Variants in ARSB observed in about 807,000 individuals in gnomAD.
ARSB encodes the protein arylsulfatase B, also known as N-acetylgalactosamine-4-sulfatase.
In ARSB, 41 loss-of-function variants were observed where a neutral mutation model predicts 50.9. The observed-to-expected ratio is 0.81, with a 90% confidence interval of 0.63 to 1.04. The LOEUF is 1.04. ARSB is among the 50% of genes least tolerant of loss of function. The pLI is 0.00. For missense variants in ARSB, 672 were observed against 693.3 expected, an observed-to-expected ratio of 0.97 and a Z score of 0.35; for synonymous variants, 269 against 284.8, an observed-to-expected ratio of 0.94 and a Z score of 0.56.
chr5:78,913,478 T>C (rs887219077), intron 4 of ARSB, among the ~76,000 whole-genome samples: 2 of 152,238 alleles, frequency 1.3e-5, no homozygotes, highest in Admixed American at 1.3e-4. Context: ...AATGCAGCAG[T>C]GTGAGGTAGA....
At chr5:78,828,999 C>T (rs528337636) in intron 6 of ARSB, among the ~76,000 whole-genome samples, 1 of 152,314 alleles carries the variant, frequency 6.6e-6, no homozygotes, top group South Asian at 2.1e-4. Flanking sequence ...TAGAAAAGGA[C>T]CCAACCTTCC....
chr5:78,853,254 T>C (rs1469228804), intron 5 of ARSB, among the ~76,000 whole-genome samples: 2 of 152,208 alleles, frequency 1.3e-5, no homozygotes, highest in East Asian at 3.8e-4. Flanking sequence ...TCCTTTCTGT[T>C]TGTTAGTTTT....
intron 6 of ARSB, among the ~76,000 whole-genome samples, chr5:78,792,894 G>C (rs548754705): frequency 2.5e-4 from 38 of 152,210 alleles, no homozygotes; most frequent in African/African-American, 8.4e-4. Context: ...AAGGGAACGA[G>C]GTATTGTTAG....
intron 4 of ARSB, among the ~76,000 whole-genome samples, chr5:78,935,132 C>T (rs1474182236): frequency 1.3e-5 from 2 of 151,918 alleles, no homozygotes; most frequent in Admixed American, 6.6e-5. Context: ...AAAATCATAT[C>T]CAATAGCTTG....
chr5:78,804,317 C>T (rs1388199150), intron 6 of ARSB, among the ~76,000 whole-genome samples: 1 of 152,130 alleles, frequency 6.6e-6, no homozygotes, highest in African/African-American at 2.4e-5. Context: ...ATTCAATTCC[C>T]TTTTCCTTTC....
At chr5:78,820,107 T>C (rs1744155161) in intron 6 of ARSB, among the ~76,000 whole-genome samples, 1 of 152,192 alleles carries the variant, frequency 6.6e-6, no homozygotes, top group South Asian at 2.1e-4. Flanking sequence ...GAGGACTCAA[T>C]GTTTCTCTCC....
At chr5:78,889,646 A>G (rs919922886) in intron 4 of ARSB, among the ~76,000 whole-genome samples, 2 of 152,266 alleles carry the variant, frequency 1.3e-5, no homozygotes, top group Non-Finnish European at 2.9e-5. Context: ...TTGAACAAAA[A>G]TAACTGTCAA....
chr5:78,888,007 G>C (rs1748115376), intron 4 of ARSB, among the ~76,000 whole-genome samples: 1 of 152,212 alleles, frequency 6.6e-6, no homozygotes. Flanking sequence ...ACTTTTGGTG[G>C]CGCCCTTAAC....
intron 5 of ARSB, chr5:78,883,466 A>G (rs1747860121): frequency 4.6e-5 from 7 of 152,250 alleles, no homozygotes; most frequent in Admixed American, 4.6e-4. Flanking sequence ...GGATTTTAAA[A>G]TAATATGAAA....
Position 78,882,821 on chromosome 5 carries a change from T to C in ARSB, c.1142+2763A>G, listed in dbSNP as rs1747823632. Reference sequence around the variant, plus strand: ...TTTTTTGAGACGGAGTCTTACTCTGTCGCCGAGGCTGGAGTGCAGTGGCAC... The same window carrying C: ...TTTTTTGAGACGGAGTCTTACTCTGCCGCCGAGGCTGGAGTGCAGTGGCAC... On this transcript the variant is annotated intron_variant, in intron 5 of 7. Coordinates refer to ENST00000264914, the MANE Select transcript of ARSB (RefSeq NM_000046.5). The C allele has an allele frequency of 2.2e-5, 3 of 137,084 alleles. No homozygotes were observed. In the South Asian group the frequency reaches 7.2e-4, roughly 33 times the overall value. 8.5% of individuals were successfully genotyped at this position (137,084 alleles called of 1,614,324 possible). A position where few individuals can be genotyped will look rare whatever the true frequency, so the allele number is the denominator to read the frequency against.
At chr5:78,866,955 G>A (rs1746786950) in intron 5 of ARSB, among the ~76,000 whole-genome samples, 1 of 152,218 alleles carries the variant, frequency 6.6e-6, no homozygotes, top group South Asian at 2.1e-4. Context: ...AGGCCAGTGG[G>A]TGCGCACACC....
intron 5 of ARSB, among the ~76,000 whole-genome samples, chr5:78,871,236 C>T (rs532399404): frequency 2.2e-4 from 34 of 152,106 alleles, no homozygotes; most frequent in African/African-American, 8.0e-4. Context: ...AATGGCCATA[C>T]TGCCCAAGGT....
intron 5 of ARSB, chr5:78,884,272 A>G (rs1271377489): frequency 2.0e-5 from 3 of 152,208 alleles, no homozygotes. Context: ...AGTTGCAAAA[A>G]TAAGACATAA....
In ARSB at chr5:78,779,144, C is replaced by T. The variant is rs562723822; in HGVS notation, c.*1253G>A. The T allele has an allele frequency of 6.6e-6, 1 of 152,248 alleles. No homozygotes were observed. Among genetic ancestry groups the T allele is most frequent in the South Asian group, 2.1e-4 (1 of 4,816 alleles). 9.4% of individuals were successfully genotyped at this position (152,248 alleles called of 1,614,324 possible). A position where few individuals can be genotyped will look rare whatever the true frequency, so the allele number is the denominator to read the frequency against. On this transcript the variant is annotated 3_prime_UTR_variant, in exon 8 of 8. Coordinates refer to ENST00000264914, the MANE Select transcript of ARSB (RefSeq NM_000046.5). ...GAGTATCATTTTTGCACACATTTCTCTGGGTTTGACACTCTCTGGAGCTAA... is the reference window on the plus strand; with the variant it reads ...GAGTATCATTTTTGCACACATTTCTTTGGGTTTGACACTCTCTGGAGCTAA...
At chr5:78,916,521 T>C (rs1434802491) in intron 4 of ARSB, among the ~76,000 whole-genome samples, 1 of 152,202 alleles carries the variant, frequency 6.6e-6, no homozygotes, top group African/African-American at 2.4e-5. Flanking sequence ...AGACCCTCTG[T>C]TTCCTTCCCA....
At chr5:78,831,954 C>T (rs553746370) in intron 6 of ARSB, among the ~76,000 whole-genome samples, 6 of 152,168 alleles carry the variant, frequency 3.9e-5, no homozygotes, top group Non-Finnish European at 4.4e-5. Context: ...TGATTCTAAT[C>T]GAATCAGCTG....
intron 4 of ARSB, among the ~76,000 whole-genome samples, chr5:78,939,282 CTT>C (rs11339765): frequency 0.039 from 5,722 of 148,250 alleles, 281 homozygotes; most frequent in African/African-American, 0.12. Context: ...CTATGTATTT[CTT>C]TTTTTTTTTT....
intron 5 of ARSB, among the ~76,000 whole-genome samples, chr5:78,852,570 A>G (rs928675818): frequency 3.3e-5 from 5 of 151,960 alleles, no homozygotes; most frequent in African/African-American, 4.8e-5. Context: ...TCTTTGTGGC[A>G]TTTTCTGTAT....
chr5:78,923,225 A>G (rs755042945), intron 4 of ARSB, among the ~76,000 whole-genome samples: 3 of 152,190 alleles, frequency 2.0e-5, no homozygotes, highest in African/African-American at 4.8e-5. Context: ...GAGAATTCCA[A>G]TAAGATTCAT....
Sources: gnomAD v4.1 joint callset for allele counts (sites outside exome capture counted in the v4.1 genomes callset) on GRCh38, gnomAD v4.1.1 for gene constraint, MANE v1.5 for transcripts, NCBI Gene and HGNC (gene_info 2026-07-23, HGNC 2026-07-21) for gene names.